Variants in MMP26 observed in about 807,000 individuals in gnomAD.
MMP26 encodes matrix metallopeptidase 26, also known as matrix metalloproteinase-26.
A neutral mutation model predicts 31.0 loss-of-function variants in MMP26; 33 were observed. The ratio of observed to expected loss-of-function variants is 1.06; its 90% CI spans 0.81 to 1.42. The LOEUF (loss-of-function observed/expected upper bound fraction) is 1.42. Among genes scored for constraint, MMP26 ranks in the 40% most tolerant of loss-of-function variants. MMP26 has a pLI of 0.00. For missense variants in MMP26, 347 were observed against 316.1 expected (o/e 1.10, Z -0.74); for synonymous variants, 122 against 114.9 (o/e 1.06, Z -0.40).
intron 2 of MMP26, chr11:4,915,727 C>T: frequency 2.8e-6 from 3 of 1,068,710 alleles, no homozygotes; most frequent in Non-Finnish European, 1.4e-6. Context: ...TGAGGCAGTA[C>T]TGGTGATTGC....
chr11:4,973,158 C>G, intron 2 of MMP26: 1 of 206,782 alleles, frequency 4.8e-6, no homozygotes, highest in East Asian at 1.1e-4. Flanking sequence ...ATGTGGGAAA[C>G]ACATGTATTG....
intron 2 of MMP26, among the ~76,000 whole-genome samples, chr11:4,958,154 G>A (rs905489445): frequency 2.6e-5 from 4 of 152,234 alleles, no homozygotes; most frequent in Non-Finnish European, 5.9e-5. Flanking sequence ...ATAAGACATT[G>A]GAGCAAGTCA....
chr11:4,891,983 A>G (rs1850631349), intron 2 of MMP26, among the ~76,000 whole-genome samples: 1 of 152,108 alleles, frequency 6.6e-6, no homozygotes, highest in African/African-American at 2.4e-5. Context: ...GAGTTTTCAT[A>G]TGCTTTGTAG....
At chr11:4,856,193 A>G (rs996192855) in intron 2 of MMP26, among the ~76,000 whole-genome samples, 1 of 152,226 alleles carries the variant, frequency 6.6e-6, no homozygotes, top group Admixed American at 6.5e-5. Flanking sequence ...CTAACATCAT[A>G]ATGACAGGAT....
rs188227972 is a variant in MMP26, at chr11:4,725,014, T to C, written c.-217+19969T>C. On this transcript the variant is annotated intron_variant, in intron 1 of 7. Coordinates refer to ENST00000380390, the MANE Select transcript of MMP26 (RefSeq NM_021801.5). ...GACAGTTTCTCATGGCTTAACACCA[T>C]CCCTCTTGGTGCTGTTTTTGCATAG... Among the ~76,000 whole-genome samples, 294 of 152,326 alleles carry C rather than the reference T, an allele frequency of 1.9e-3. 1 individual carries two copies. Among genetic ancestry groups the C allele is most frequent in the Non-Finnish European group, 3.1e-3 (212 of 68,030 alleles).
At chr11:4,901,149 CTTTTTTTTTTTTTT>C (rs55678976) in intron 2 of MMP26, among the ~76,000 whole-genome samples, 2 of 84,514 alleles carry the variant, frequency 2.4e-5, no homozygotes, top group East Asian at 3.8e-4. Flanking sequence ...CCTCTTTGTG[CTTTTTTTTTTTTTT>C]TTTTTTTTTT....
At chr11:4,794,245 C>T (rs1359568795) in intron 2 of MMP26, 1 of 152,160 alleles carries the variant, frequency 6.6e-6, no homozygotes, top group East Asian at 1.9e-4. Context: ...GGCTCATTCA[C>T]AGTACACTCT....
chr11:4,862,643 G>T (rs1392353495), intron 2 of MMP26, among the ~76,000 whole-genome samples: 2 of 152,170 alleles, frequency 1.3e-5, no homozygotes, highest in South Asian at 4.1e-4. Context: ...GGAGCTCTGA[G>T]GTTGGGGTGA....
At chr11:4,795,254 G>A (rs1028753965) in intron 2 of MMP26, 1 of 152,184 alleles carries the variant, frequency 6.6e-6, no homozygotes, top group Non-Finnish European at 1.5e-5. Flanking sequence ...CCAGAATTGG[G>A]AAATCTGCCA....
At chr11:4,986,934 T>TCTCTCTCTCTCTCTCTCTCTCTCTCC (rs1846904019) in intron 2 of MMP26, among the ~76,000 whole-genome samples, 1 of 98,826 alleles carries the variant, frequency 1.0e-5, no homozygotes, top group African/African-American at 5.0e-5. Flanking sequence ...TCTCTCTCCC[T>TCTCTCTCTCTCTCTCTCTCTCTCTCC]CTCTCTCTCT....
chr11:4,960,345 G>A (rs1846504029), intron 2 of MMP26, among the ~76,000 whole-genome samples: 1 of 151,018 alleles, frequency 6.6e-6, no homozygotes, highest in Non-Finnish European at 1.5e-5. Flanking sequence ...TTTCTGTAAT[G>A]TTAGTTTGAT....
At chr11:4,711,459 G>A (rs755254681) in intron 1 of MMP26, 2 of 152,144 alleles carry the variant, frequency 1.3e-5, no homozygotes, top group African/African-American at 2.4e-5. Context: ...GTTCAATAAT[G>A]AGGGTTTCTT....
At chr11:4,791,369 G>C (rs1849024282) in intron 2 of MMP26, among the ~76,000 whole-genome samples, 1 of 152,036 alleles carries the variant, frequency 6.6e-6, no homozygotes, top group East Asian at 1.9e-4. Flanking sequence ...TTTCCTAGTA[G>C]AGGACTCTAT....
chr11:4,726,144 G>A (rs1178327601), intron 1 of MMP26, among the ~76,000 whole-genome samples: 3 of 152,134 alleles, frequency 2.0e-5, no homozygotes, highest in African/African-American at 7.2e-5. Context: ...ACTAAGCTTA[G>A]CAAATATGAA....
intron 2 of MMP26, among the ~76,000 whole-genome samples, chr11:4,806,871 G>A (rs1382045060): frequency 6.6e-6 from 1 of 152,178 alleles, no homozygotes; most frequent in South Asian, 2.1e-4. Flanking sequence ...GACTTTCCAA[G>A]CTGTTTTGTA....
At chr11:4,728,035 A>G (rs965347107) in intron 1 of MMP26, among the ~76,000 whole-genome samples, 1 of 152,252 alleles carries the variant, frequency 6.6e-6, no homozygotes, top group African/African-American at 2.4e-5. Context: ...AAAATTTTAA[A>G]AACAAGGTAT....
intron 2 of MMP26, among the ~76,000 whole-genome samples, chr11:4,920,742 C>T (rs899573360): frequency 1.3e-5 from 2 of 152,060 alleles, no homozygotes; most frequent in African/African-American, 4.8e-5. Flanking sequence ...TATAAAAATC[C>T]CTTTGGGTTT....
At chr11:4,951,842 A>G (rs992118823) in intron 2 of MMP26, among the ~76,000 whole-genome samples, 3 of 124,542 alleles carry the variant, frequency 2.4e-5, no homozygotes, top group African/African-American at 8.2e-5. Flanking sequence ...GAGAGAGAAA[A>G]AGTGCTCTAC....
chr11:4,827,491 G>T (rs1849593702), intron 2 of MMP26, among the ~76,000 whole-genome samples: 1 of 152,044 alleles, frequency 6.6e-6, no homozygotes, highest in South Asian at 2.1e-4. Flanking sequence ...GATAGCTCCA[G>T]GGCAATGGAG....
Sources: gnomAD v4.1 joint callset for allele counts (sites outside exome capture counted in the v4.1 genomes callset) on GRCh38, gnomAD v4.1.1 for gene constraint, MANE v1.5 for transcripts, NCBI Gene and HGNC (gene_info 2026-07-23, HGNC 2026-07-21) for gene names.